The following ARHGAP15 variants were observed in gnomAD, a reference collection of about 807,000 sequenced individuals.
The protein encoded by ARHGAP15 is rho GTPase-activating protein 15.
In ARHGAP15, 51 loss-of-function variants were observed where a neutral mutation model predicts 63.7. The ratio of observed to expected loss-of-function variants is 0.80; its 90% confidence interval spans 0.64 to 1.01. ARHGAP15 has a LOEUF of 1.01. Among genes scored for constraint, ARHGAP15 ranks in the 50% least tolerant of loss-of-function variants. The pLI is 0.00. For missense variants in ARHGAP15, 560 were observed against 564.6 expected, an observed-to-expected ratio of 0.99 and a Z score of 0.08; for synonymous variants, 191 against 193.8, an observed-to-expected ratio of 0.99 and a Z score of 0.12.
At chr2:143,708,264 T>G (rs1171046773) in intron 13 of ARHGAP15, among the ~76,000 whole-genome samples, 3 of 152,162 alleles carry the variant, frequency 2.0e-5, no homozygotes, top group Non-Finnish European at 4.4e-5. Context: ...AAATAAACAT[T>G]TTACATCAAT....
chr2:143,420,793 C>T (rs1320150821), intron 6 of ARHGAP15, among the ~76,000 whole-genome samples: 2 of 152,202 alleles, frequency 1.3e-5, no homozygotes, highest in East Asian at 3.9e-4. Context: ...ATGTTTATTC[C>T]ACATCTGTGA....
At chr2:143,460,717 T>C (rs893288162) in intron 8 of ARHGAP15, among the ~76,000 whole-genome samples, 2 of 152,098 alleles carry the variant, frequency 1.3e-5, no homozygotes, top group Admixed American at 6.6e-5. Flanking sequence ...TTGATGCTTT[T>C]AAACAACATG....
chr2:143,616,624 C>T (rs1206685253), intron 11 of ARHGAP15, among the ~76,000 whole-genome samples: 2 of 152,146 alleles, frequency 1.3e-5, no homozygotes, highest in African/African-American at 4.8e-5. Context: ...TACTTCCTTC[C>T]TCCCTCTGTC....
intron 10 of ARHGAP15, among the ~76,000 whole-genome samples, chr2:143,537,067 T>C (rs893367856): frequency 2.0e-5 from 3 of 152,218 alleles, no homozygotes; most frequent in African/African-American, 7.2e-5. Flanking sequence ...ATTGCCATTC[T>C]AACTGGTGTG....
chr2:143,489,995 G>C (rs557555629), intron 9 of ARHGAP15, among the ~76,000 whole-genome samples: 19 of 151,836 alleles, frequency 1.3e-4, no homozygotes, highest in Middle Eastern at 3.4e-3. Flanking sequence ...TTTTCTTTTT[G>C]TTTTTGTTTT....
At chr2:143,327,573 A>AG (rs1684314589) in intron 6 of ARHGAP15, among the ~76,000 whole-genome samples, 1 of 151,656 alleles carries the variant, frequency 6.6e-6, no homozygotes, top group Non-Finnish European at 1.5e-5. Flanking sequence ...AACATAACAG[A>AG]GGACCCCTTC....
intron 11 of ARHGAP15, among the ~76,000 whole-genome samples, chr2:143,594,434 G>C (rs1460465319): frequency 6.6e-6 from 1 of 152,176 alleles, no homozygotes; most frequent in Non-Finnish European, 1.5e-5. Flanking sequence ...ATTACGGTGT[G>C]CTCGGCCTAT....
intron 5 of ARHGAP15, among the ~76,000 whole-genome samples, chr2:143,235,737 C>T (rs1344932373): frequency 1.3e-5 from 2 of 152,190 alleles, no homozygotes; most frequent in African/African-American, 4.8e-5. Flanking sequence ...CTCAAAAGCA[C>T]CCACACTAGT....
In ARHGAP15 at chr2:143,458,518, T is replaced by C. The variant is rs759924762; in HGVS notation, c.703+21476T>C. On this transcript the variant is annotated intron_variant, in intron 8 of 13. Transcript: ENST00000295095. The stretch of plus-strand genomic sequence containing the variant: ...CATTTAAAGGGAAGGAGATTCCTGC[T>C]GAAGGGCCGGTGATCATGGGCCAGA... 4.5e-4 allele frequency among the ~76,000 whole-genome samples: 69 copies of C among 152,126 alleles called. 1 individual carries two copies. Among genetic ancestry groups the C allele is most frequent in the Non-Finnish European group, 7.4e-4 (50 of 68,008 alleles).
At chr2:143,143,567 C>T (rs827218) in intron 1 of ARHGAP15, among the ~76,000 whole-genome samples, 102,043 of 128,646 alleles carry the variant, frequency 0.79, 37,746 homozygotes, top group Admixed American at 0.82. Flanking sequence ...TATTTTCTTT[C>T]TTTTTTTTTT....
intron 6 of ARHGAP15, among the ~76,000 whole-genome samples, chr2:143,315,824 C>A (rs1273267076): frequency 4.7e-5 from 7 of 149,654 alleles, no homozygotes. Context: ...GTGGCTCGGG[C>A]CTGTAATCCC....
Position 143,256,360 on chromosome 2 carries a change from TAATA to T in ARHGAP15, c.474+5761_474+5764del, listed in dbSNP as rs754929018. 5.1e-4 allele frequency among the ~76,000 whole-genome samples: 77 copies of T among 152,126 alleles called. 1 individual carries two copies. The highest frequency in any genetic ancestry group is 2.6e-4 in the Admixed American group (4 of 15,244). Reference sequence around the variant, plus strand: ...TGGTCTTTCTGTTGCCTTCTGAACTTAATAGACTGATATTTAATACACAACATGA... The same window carrying T: ...TGGTCTTTCTGTTGCCTTCTGAACTTGACTGATATTTAATACACAACATGA... On this transcript the variant is annotated intron_variant, in intron 6 of 13. Transcript: ENST00000295095.
chr2:143,309,738 G>A (rs749112579), intron 6 of ARHGAP15, among the ~76,000 whole-genome samples: 3 of 151,920 alleles, frequency 2.0e-5, no homozygotes, highest in Non-Finnish European at 4.4e-5. Context: ...GCTGTCCTGT[G>A]CATTGTAGAA....
At chr2:143,727,434 T>A (rs1029559740) in intron 13 of ARHGAP15, among the ~76,000 whole-genome samples, 14 of 151,320 alleles carry the variant, frequency 9.3e-5, no homozygotes, top group Non-Finnish European at 1.8e-4. Context: ...AAGAAACTTT[T>A]AAAAAAATAA....
At chr2:143,678,034 C>G (rs1039558173) in intron 12 of ARHGAP15, among the ~76,000 whole-genome samples, 3 of 152,224 alleles carry the variant, frequency 2.0e-5, no homozygotes, top group Admixed American at 6.5e-5. Context: ...ATGGCAAAAC[C>G]CTGTGTCTAT....
chr2:143,448,887 T>G (rs967002226), intron 8 of ARHGAP15, among the ~76,000 whole-genome samples: 2 of 152,128 alleles, frequency 1.3e-5, no homozygotes, highest in Middle Eastern at 3.4e-3. Context: ...ATAAATAACT[T>G]CTTTAAAGAG....
intron 10 of ARHGAP15, among the ~76,000 whole-genome samples, chr2:143,548,739 T>A (rs762836326): frequency 3.2e-4 from 48 of 151,414 alleles, no homozygotes; most frequent in Non-Finnish European, 5.9e-4. Context: ...GCAAACAAAA[T>A]AATAAAGGAA....
chr2:143,273,080 T>C (rs908443833), intron 6 of ARHGAP15, among the ~76,000 whole-genome samples: 2 of 152,174 alleles, frequency 1.3e-5, no homozygotes, highest in African/African-American at 4.8e-5. Flanking sequence ...ATAAATTGTT[T>C]TAAGATTAGA....
chr2:143,251,690 C>G (rs1255807087), intron 6 of ARHGAP15, among the ~76,000 whole-genome samples: 1 of 151,606 alleles, frequency 6.6e-6, no homozygotes, highest in South Asian at 2.1e-4. Flanking sequence ...AGAATATATG[C>G]AATTATTATT....
Sources: allele counts gnomAD v4.1 joint callset (sites outside exome capture counted in the v4.1 genomes callset), GRCh38; gene constraint gnomAD v4.1.1; transcripts MANE v1.5; gene names NCBI Gene and HGNC (gene_info 2026-07-23, HGNC 2026-07-21).